Variants in TENM3 observed in about 807,000 individuals in gnomAD.
TENM3 encodes teneurin transmembrane protein 3.
TENM3 carries 63 observed loss-of-function variants against 255.1 expected under a neutral mutation model. That is an observed-to-expected ratio of 0.25 (90% CI 0.20 to 0.30). The LOEUF is 0.30. Among genes scored for constraint, TENM3 ranks in the 10% least tolerant of loss-of-function variants. The probability of loss-of-function intolerance (pLI) is 1.00; values close to 1 mark genes in which losing one functional copy is unlikely to be tolerated. For synonymous variants in TENM3, 1,306 were observed against 1,322.3 expected (o/e 0.99, Z 0.27); for missense variants, 2,929 against 3,461.1 (o/e 0.85, Z 3.86).
At chr4:181,703,971 C>A in the TENM3 span, among the ~76,000 whole-genome samples, 1 of 152,174 alleles carries the variant, frequency 6.6e-6, no homozygotes, top group Admixed American at 6.5e-5. Context: ...CCCAGGCATA[C>A]TGTCCAGGAA....
intron 19 of TENM3, 41 bp downstream of exon 19, chr4:182,743,460 C>T (rs531161952): frequency 1.6e-5 from 26 of 1,596,458 alleles, no homozygotes; most frequent in Non-Finnish European, 1.8e-5. Context: ...CAAAGCTAAA[C>T]GTGCCTCTTT....
chr4:181,574,712 A>G, the TENM3 span, among the ~76,000 whole-genome samples: 10 of 152,330 alleles, frequency 6.6e-5, no homozygotes, highest in East Asian at 1.9e-3. Flanking sequence ...GTAGAATTAT[A>G]TGTTTTTAAA....
At chr4:181,586,329 T>C in the TENM3 span, among the ~76,000 whole-genome samples, 1 of 152,184 alleles carries the variant, frequency 6.6e-6, no homozygotes, top group Non-Finnish European at 1.5e-5. Context: ...AGACCTGAAT[T>C]CCACAGGTTC....
chr4:182,025,776 T>C, the TENM3 span, among the ~76,000 whole-genome samples: 5 of 152,192 alleles, frequency 3.3e-5, no homozygotes. Context: ...TGATGATCAA[T>C]GAAGCTGAGC....
chr4:181,718,321 G>A, the TENM3 span, among the ~76,000 whole-genome samples: 8 of 152,134 alleles, frequency 5.3e-5, no homozygotes, highest in Admixed American at 5.2e-4. Flanking sequence ...CACCATGTGT[G>A]TACCCGTCAC....
chr4:182,138,397 C>T, the TENM3 span, among the ~76,000 whole-genome samples: 1 of 152,106 alleles, frequency 6.6e-6, no homozygotes, highest in Non-Finnish European at 1.5e-5. Context: ...TGTCGAAAAT[C>T]CTCAAATGTT....
the TENM3 span, among the ~76,000 whole-genome samples, chr4:181,637,344 T>C: frequency 6.6e-6 from 1 of 152,156 alleles, no homozygotes; most frequent in East Asian, 1.9e-4. Context: ...GTCTTTTGGC[T>C]CCCCCAGCAA....
At chr4:182,296,499 C>G (rs1378937668) in intron 1 of TENM3, among the ~76,000 whole-genome samples, 2 of 152,152 alleles carry the variant, frequency 1.3e-5, no homozygotes, top group African/African-American at 4.8e-5. Context: ...TCAGGGCAAG[C>G]CTTGATCTAC....
chr4:181,716,599 T>C, the TENM3 span, among the ~76,000 whole-genome samples: 1 of 152,184 alleles, frequency 6.6e-6, no homozygotes, highest in African/African-American at 2.4e-5. Flanking sequence ...TTTTCTTAAC[T>C]TCTCTGTGCC....
chr4:181,915,232 T>A, the TENM3 span, among the ~76,000 whole-genome samples: 1 of 152,186 alleles, frequency 6.6e-6, no homozygotes, highest in Non-Finnish European at 1.5e-5. Flanking sequence ...ATCCTGCTCC[T>A]TTACCAGCTT....
the TENM3 span, among the ~76,000 whole-genome samples, chr4:181,883,883 T>A: frequency 9.2e-5 from 14 of 152,318 alleles, no homozygotes; most frequent in Non-Finnish European, 1.3e-4. Context: ...GTCTGGTTGC[T>A]GAACATCGTA....
At chr4:181,784,918 T>A in the TENM3 span, among the ~76,000 whole-genome samples, 1 of 152,190 alleles carries the variant, frequency 6.6e-6, no homozygotes, top group East Asian at 1.9e-4. Flanking sequence ...ATCTATCACC[T>A]GGCTTTTAGA....
At position 182,789,549 on chromosome 4, in the gene TENM3, AT is replaced by A. The variant is rs1474523181; in HGVS notation, c.5601+163del. Among the ~76,000 whole-genome samples the A allele has an allele frequency of 6.6e-6, 1 of 152,210 alleles. No homozygotes were observed. The highest frequency in any genetic ancestry group is 1.5e-5 in the Non-Finnish European group (1 of 68,026). On this transcript the variant is annotated intron_variant, in intron 25 of 27. Transcript: ENST00000511685. This position sits in a 1 kb window ranked among gnomAD's most constrained non-coding sequence, Gnocchi z 4.4. Reference sequence around the variant, plus strand: ...AGTCACATTGGCACAGCAGTGATGAATTTCTGCATTAGCAAAGTAGTTTCTC... The same window carrying A: ...AGTCACATTGGCACAGCAGTGATGAATTCTGCATTAGCAAAGTAGTTTCTC...
At chr4:182,641,103 G>A (rs3860640) in intron 5 of TENM3, among the ~76,000 whole-genome samples, 104,536 of 152,122 alleles carry the variant, frequency 0.69, 37,149 homozygotes, top group African/African-American at 0.86. Context: ...AGTTGACTGA[G>A]TGATAAACAA....
chr4:182,447,362 T>C (rs1477766736), intron 3 of TENM3, among the ~76,000 whole-genome samples: 4 of 152,054 alleles, frequency 2.6e-5, no homozygotes, highest in African/African-American at 7.2e-5. Flanking sequence ...TTAGACGTAA[T>C]GGAAAATGAG....
chr4:182,736,693 C>G (rs1315159492), intron 16 of TENM3, 115 bp from the exon 17 acceptor site: 1 of 1,025,678 alleles, frequency 9.7e-7, no homozygotes, highest in Non-Finnish European at 1.4e-6. Flanking sequence ...AGTAAGTAAA[C>G]TAAGACACAG....
the TENM3 span, among the ~76,000 whole-genome samples, chr4:181,563,019 G>A: frequency 6.6e-6 from 1 of 152,188 alleles, no homozygotes; most frequent in Non-Finnish European, 1.5e-5. Context: ...TTTTGCTAAT[G>A]TTCTTTGGAC....
intron 3 of TENM3, among the ~76,000 whole-genome samples, chr4:182,527,276 T>C (rs1478261172): frequency 6.6e-6 from 1 of 152,220 alleles, no homozygotes; most frequent in East Asian, 1.9e-4. Context: ...GAAATTGGGA[T>C]GTATTTCCAA....
chr4:181,677,242 C>T, the TENM3 span, among the ~76,000 whole-genome samples: 1 of 152,064 alleles, frequency 6.6e-6, no homozygotes, highest in African/African-American at 2.4e-5. Context: ...TATGCAAGTA[C>T]CTGCTTCACC....
Sources: gnomAD v4.1 joint callset for allele counts (sites outside exome capture counted in the v4.1 genomes callset) on GRCh38, gnomAD v4.1.1 for gene constraint, Gnocchi (gnomAD v3.1) non-coding constraint, MANE v1.5 for transcripts, NCBI Gene and HGNC (gene_info 2026-07-23, HGNC 2026-07-21) for gene names.